Variants in PLCL1 observed in about 807,000 individuals in gnomAD.
The protein encoded by PLCL1 is phospholipase C like 1 (inactive), also known as inactive phospholipase C-like protein 1.
In PLCL1, 41 loss-of-function variants were observed where a neutral mutation model predicts 84.4. That is an observed-to-expected ratio of 0.49 (90% CI 0.38 to 0.63). PLCL1 has a LOEUF of 0.63. Ranked by LOEUF, PLCL1 falls within the 30% of genes least tolerant of loss-of-function variation. The probability of loss-of-function intolerance (pLI) is 0.00; values close to 1 mark genes in which losing one functional copy is unlikely to be tolerated. For synonymous variants in PLCL1, 490 were observed against 488.3 expected (o/e 1.00, Z -0.05); for missense variants, 1,206 against 1,367.8 (o/e 0.88, Z 1.87).
rs1169271425 is a variant in PLCL1 at position 198,134,497 on chromosome 2, ACT to A, written c.3106-12280_3106-12279del. Among the ~76,000 whole-genome samples the A allele has an allele frequency of 2.6e-5, 4 of 152,208 alleles. No homozygotes were observed. The East Asian group carries it at 7.7e-4, about 29-fold the overall frequency. On this transcript the variant is annotated intron_variant, in intron 5 of 5. Coordinates refer to ENST00000428675, the MANE Select transcript of PLCL1 (RefSeq NM_006226.4). ...CCCCTTTAGAAATATCTTGCTAATA[ACT>A]CTTTGGCCACTTCAGCTAACACAGA... is the stretch of plus-strand genomic sequence containing the variant.
chr2:197,994,823 A>C (rs911029212), intron 1 of PLCL1, among the ~76,000 whole-genome samples: 1 of 152,218 alleles, frequency 6.6e-6, no homozygotes. Context: ...TTAGTTTAGA[A>C]TAAACCTCTA....
chr2:198,086,250 A>T lies in PLCL1; in HGVS notation c.2715+18A>T. 6.7e-7 allele frequency: 1 copy of T among 1,493,750 alleles called. No individual in the cohort carries two copies. Among genetic ancestry groups the T allele is most frequent in the Non-Finnish European group, 9.3e-7 (1 of 1,076,758 alleles). 92.5% of individuals were successfully genotyped at this position (1,493,750 alleles called of 1,614,324 possible). On this transcript the variant is annotated intron_variant, in intron 2 of 5. Transcript: ENST00000428675. ...ATATGCAGGTAGGAGAAACACTCAC[A>T]CTCTCCTTCCCTATCCCTGCTTATT...
intron 1 of PLCL1, among the ~76,000 whole-genome samples, chr2:197,983,733 C>T (rs1358990997): frequency 6.6e-6 from 1 of 152,104 alleles, no homozygotes; most frequent in African/African-American, 2.4e-5. Flanking sequence ...GTTAGAATTA[C>T]GATTGTTTTC....
intron 1 of PLCL1, among the ~76,000 whole-genome samples, chr2:197,996,121 A>C (rs1337205147): frequency 6.6e-6 from 1 of 151,990 alleles, no homozygotes; most frequent in East Asian, 1.9e-4. Flanking sequence ...GGCAAGAGGG[A>C]AAGGGAAAGG....
chr2:197,909,303 C>T (rs1688440728), intron 1 of PLCL1, among the ~76,000 whole-genome samples: 1 of 151,920 alleles, frequency 6.6e-6, no homozygotes, highest in Admixed American at 6.6e-5. Flanking sequence ...ATTAAAAGTT[C>T]ATTCCTGCTT....
At chr2:197,978,802 T>C (rs1026996749) in intron 1 of PLCL1, among the ~76,000 whole-genome samples, 1 of 152,134 alleles carries the variant, frequency 6.6e-6, no homozygotes, top group Non-Finnish European at 1.5e-5. Flanking sequence ...CCACACTCAC[T>C]CAGACTGGCA....
chr2:198,142,290 G>A (rs1694407113), intron 5 of PLCL1, among the ~76,000 whole-genome samples: 1 of 151,978 alleles, frequency 6.6e-6, no homozygotes, highest in South Asian at 2.1e-4. Flanking sequence ...ATTTGAACTG[G>A]TTTACGTTTA....
intron 1 of PLCL1, among the ~76,000 whole-genome samples, chr2:198,008,371 T>C (rs1291288017): frequency 1.3e-5 from 2 of 152,052 alleles, no homozygotes; most frequent in East Asian, 1.9e-4. Flanking sequence ...CATTTCTCCT[T>C]CTCCTCAGAC....
intron 1 of PLCL1, among the ~76,000 whole-genome samples, chr2:197,892,078 C>T (rs545053098): frequency 1.3e-5 from 2 of 152,256 alleles, no homozygotes; most frequent in South Asian, 2.1e-4. Flanking sequence ...TTCCGTTGAC[C>T]CCTTTCTCTG....
In PLCL1 at chr2:198,084,564, C is replaced by G; in HGVS notation, c.1047C>G (p.Thr349=). The change falls in exon 2 of 6, where the codon ACC becomes ACG. Residue 349 remains threonine, a synonymous_variant. Coordinates refer to ENST00000428675, the MANE Select transcript of PLCL1 (RefSeq NM_006226.4). ...CTGAGCAAGGAGTCACCCATATCAC[C>G]GAGGATATATGCTTAGACATCATAA... ...LEAEQGVTHI[T]EDICLDIIRR... 1 of 1,613,638 alleles carries G rather than the reference C, an allele frequency of 6.2e-7. No homozygotes were observed. Among genetic ancestry groups the G allele is most frequent in the Non-Finnish European group, 8.5e-7 (1 of 1,179,628 alleles).
At chr2:197,925,910 C>G (rs1485723981) in intron 1 of PLCL1, among the ~76,000 whole-genome samples, 2 of 152,172 alleles carry the variant, frequency 1.3e-5, no homozygotes, top group Admixed American at 1.3e-4. Context: ...ATTTGTAGCA[C>G]ATCTGTCCTT....
intron 1 of PLCL1, among the ~76,000 whole-genome samples, chr2:198,008,024 A>G (rs1269462525): frequency 6.6e-6 from 1 of 152,074 alleles, no homozygotes; most frequent in Non-Finnish European, 1.5e-5. Flanking sequence ...TTCATTGTTT[A>G]CTTTTACTAC....
At chr2:197,807,569 G>C (rs147579887) in intron 1 of PLCL1, among the ~76,000 whole-genome samples, 32 of 152,276 alleles carry the variant, frequency 2.1e-4, no homozygotes, top group African/African-American at 7.7e-4. Context: ...CTGCTGCCCT[G>C]TGGTTTGTTC....
intron 1 of PLCL1, among the ~76,000 whole-genome samples, chr2:198,032,631 G>T (rs1206977961): frequency 6.6e-6 from 1 of 152,002 alleles, no homozygotes; most frequent in Non-Finnish European, 1.5e-5. Flanking sequence ...GCTTAATCTA[G>T]TGTGTGCTAG....
chr2:197,989,292 A>G (rs1467977543), intron 1 of PLCL1, among the ~76,000 whole-genome samples: 1 of 152,152 alleles, frequency 6.6e-6, no homozygotes, highest in Non-Finnish European at 1.5e-5. Flanking sequence ...TTGGGGAGAT[A>G]AAAAAGGAAG....
intron 1 of PLCL1, among the ~76,000 whole-genome samples, chr2:197,886,078 TA>T (rs1687917189): frequency 6.6e-6 from 1 of 152,168 alleles, no homozygotes; most frequent in Admixed American, 6.5e-5. Flanking sequence ...ATCCCATATT[TA>T]AAATGTCCTC....
rs750141482 is a variant in PLCL1, at chr2:198,101,374, A to G, written c.2995+14A>G. ...GTCAGAAAGCAGGTAATTGTTTTTAATTTTTTTTTCTGTTTTTTTTTTCTA... is the reference window on the plus strand; with the variant it reads ...GTCAGAAAGCAGGTAATTGTTTTTAGTTTTTTTTTCTGTTTTTTTTTTCTA... On this transcript the variant is annotated intron_variant, in intron 4 of 5. Coordinates refer to ENST00000428675, the MANE Select transcript of PLCL1 (RefSeq NM_006226.4). The G allele has an allele frequency of 7.1e-7, 1 of 1,399,452 alleles. No individual in the cohort carries two copies. Among genetic ancestry groups the G allele is most frequent in the Non-Finnish European group, 9.8e-7 (1 of 1,021,604 alleles). The allele number at this position is 1,399,452 out of a possible 1,614,324, so 86.7% of individuals were successfully genotyped here.
At chr2:197,977,390 T>C (rs1424307391) in intron 1 of PLCL1, among the ~76,000 whole-genome samples, 1 of 152,036 alleles carries the variant, frequency 6.6e-6, no homozygotes, top group Admixed American at 6.6e-5. Flanking sequence ...GCAGAAAAAT[T>C]GGTTTGATTG....
chr2:198,043,135 G>T (rs1691704308), intron 1 of PLCL1, among the ~76,000 whole-genome samples: 1 of 152,216 alleles, frequency 6.6e-6, no homozygotes, highest in African/African-American at 2.4e-5. Flanking sequence ...ATTGAGAAAG[G>T]CTGATTCTTG....
Sources: allele counts gnomAD v4.1 joint callset (sites outside exome capture counted in the v4.1 genomes callset), GRCh38; gene constraint gnomAD v4.1.1; transcripts MANE v1.5; gene names NCBI Gene and HGNC (gene_info 2026-07-23, HGNC 2026-07-21).